UBXN7: variants seen among roughly 807,000 people sequenced by gnomAD.
UBXN7 encodes the protein UBX domain protein 7.
UBXN7 carries 9 observed loss-of-function variants against 58.0 expected under a neutral mutation model. The ratio of observed to expected loss-of-function variants is 0.16; its 90% confidence interval spans 0.09 to 0.27. The LOEUF is 0.27. Ranked by LOEUF, UBXN7 falls within the 10% of genes least tolerant of loss-of-function variation. The pLI, the probability that UBXN7 is intolerant of heterozygous loss-of-function variation, is 1.00. For synonymous variants in UBXN7, 208 were observed against 205.0 expected (o/e 1.01, Z -0.12); for missense variants, 328 against 599.6 (o/e 0.55, Z 4.73).
At chr3:196,401,606 T>TGGTTGAG (rs1411745684) in intron 3 of UBXN7, among the ~76,000 whole-genome samples, 67 of 147,948 alleles carry the variant, frequency 4.5e-4, no homozygotes, top group Non-Finnish European at 8.8e-4. Flanking sequence ...CACCAGGGCC[T>TGGTTGAG]GGTTGAGGGT....
At position 196,389,768 on chromosome 3, in the gene UBXN7, A is replaced by T. The variant is rs1577454408; in HGVS notation, c.468+2045T>A. Among the ~76,000 whole-genome samples the T allele has an allele frequency of 3.3e-5, 5 of 152,300 alleles. No homozygotes were observed. In the South Asian group the frequency reaches 1.0e-3, roughly 32 times the overall value. On this transcript the variant is annotated intron_variant, in intron 5 of 10. Coordinates refer to ENST00000296328, the MANE Select transcript of UBXN7 (RefSeq NM_015562.2). Reference sequence around the variant, plus strand: ...CTTTATAAATTGCCCAGTCTCAGGGATTCCTTTCTAGCAATGCAAGCAAAC... The same window carrying T: ...CTTTATAAATTGCCCAGTCTCAGGGTTTCCTTTCTAGCAATGCAAGCAAAC...
intron 1 of UBXN7, among the ~76,000 whole-genome samples, chr3:196,413,357 A>G (rs550580172): frequency 2.0e-4 from 30 of 152,282 alleles, no homozygotes; most frequent in Admixed American, 1.2e-3. Flanking sequence ...GGTTAAAATG[A>G]TAAATTTTGT....
chr3:196,419,178 G>A (rs1019149300), intron 1 of UBXN7, among the ~76,000 whole-genome samples: 9 of 152,112 alleles, frequency 5.9e-5, no homozygotes, highest in Non-Finnish European at 1.0e-4. Context: ...TAGGGAGGCC[G>A]AGGTGGAAGA....
intron 1 of UBXN7, 53 bp downstream of exon 1, chr3:196,432,274 C>T: frequency 6.2e-7 from 1 of 1,604,894 alleles, no homozygotes; most frequent in South Asian, 1.1e-5. Context: ...CGGGGCAGAC[C>T]CGCTGCCCGC....
chr3:196,404,941 C>A (rs541633002), intron 2 of UBXN7, among the ~76,000 whole-genome samples: 3 of 152,222 alleles, frequency 2.0e-5, no homozygotes, highest in Middle Eastern at 3.4e-3. Context: ...ATCGCTTGAG[C>A]TCAGGAGTTC....
At chr3:196,418,281 G>A (rs1251656280) in intron 1 of UBXN7, among the ~76,000 whole-genome samples, 1 of 132,676 alleles carries the variant, frequency 7.5e-6, no homozygotes, top group South Asian at 2.6e-4. Context: ...AGGGAAGGAG[G>A]GAAAGAGAGA....
At chr3:196,407,463 A>C (rs981614584) in intron 1 of UBXN7, 70 bp from the exon 2 acceptor site, 2 of 1,521,256 alleles carry the variant, frequency 1.3e-6, no homozygotes, top group Non-Finnish European at 1.8e-6. Flanking sequence ...TCTTCAGCTC[A>C]TATTAGAATT....
chr3:196,394,325 C>G (rs181472044), intron 3 of UBXN7, among the ~76,000 whole-genome samples: 3 of 140,634 alleles, frequency 2.1e-5, no homozygotes, highest in Non-Finnish European at 4.6e-5. Flanking sequence ...CCTGGCCAGG[C>G]ACTGTAGCTC....
chr3:196,424,383 AT>A (rs869183431), intron 1 of UBXN7, among the ~76,000 whole-genome samples: 26,531 of 104,160 alleles, frequency 0.25, 4,011 homozygotes, highest in East Asian at 0.76. Flanking sequence ...TCTTTTCCTA[AT>A]TTTTTTTTTT....
intron 10 of UBXN7, among the ~76,000 whole-genome samples, chr3:196,359,657 C>A (rs183413847): frequency 7.0e-4 from 107 of 152,294 alleles, no homozygotes; most frequent in African/African-American, 2.2e-3. Flanking sequence ...CTCACACCTG[C>A]ACTTTCAGAG....
At chr3:196,401,883 C>CTAT (rs1560235941) in intron 3 of UBXN7, among the ~76,000 whole-genome samples, 80 of 149,604 alleles carry the variant, frequency 5.3e-4, no homozygotes, top group Admixed American at 1.6e-3. Context: ...TTGGGTACTA[C>CTAT]GCTCATTACC....
At chr3:196,388,065 T>C (rs1049360367) in intron 5 of UBXN7, among the ~76,000 whole-genome samples, 1 of 152,034 alleles carries the variant, frequency 6.6e-6, no homozygotes, top group African/African-American at 2.4e-5. Context: ...AATGATAGAC[T>C]GCATTAAGAA....
rs1728169820 is a variant in UBXN7 at position 196,349,765 on chromosome 3, G to C, written c.*6920C>G. 1 of 152,150 alleles carries C rather than the reference G, an allele frequency of 6.6e-6. No individual in the cohort carries two copies. Among genetic ancestry groups the C allele is most frequent in the Non-Finnish European group, 1.5e-5 (1 of 68,026 alleles). 9.4% of individuals were successfully genotyped at this position (152,150 alleles called of 1,614,324 possible). On this transcript the variant is annotated 3_prime_UTR_variant, in exon 11 of 11. Coordinates refer to ENST00000296328, the MANE Select transcript of UBXN7 (RefSeq NM_015562.2). ...TTAAGAAAGGGGGAATTCAATTCCA[G>C]GTCAGAATTTATCTAATGATTTGAT...
In UBXN7 at chr3:196,354,650, G is replaced by A. The variant is rs1728297257; in HGVS notation, c.*2035C>T. Reference sequence around the variant, plus strand: ...CAGTATACAGCTCTATTTTTCAAACGGCAAGTATGTTATCCAAGTTCAGAG... The same window carrying A: ...CAGTATACAGCTCTATTTTTCAAACAGCAAGTATGTTATCCAAGTTCAGAG... On this transcript the variant is annotated 3_prime_UTR_variant, in exon 11 of 11. Transcript: ENST00000296328. 6.6e-6 allele frequency: 1 copy of A among 151,986 alleles called. No individual in the cohort carries two copies. Among genetic ancestry groups the A allele is most frequent in the African/African-American group, 2.4e-5 (1 of 41,382 alleles). 9.4% of individuals were successfully genotyped at this position (151,986 alleles called of 1,614,324 possible). A position where few individuals can be genotyped will look rare whatever the true frequency, so the allele number is the denominator to read the frequency against.
intron 5 of UBXN7, among the ~76,000 whole-genome samples, chr3:196,385,330 GT>G (rs1729343720): frequency 1.3e-5 from 2 of 152,210 alleles, no homozygotes; most frequent in South Asian, 4.1e-4. Context: ...CTGAAGTGCA[GT>G]GGCGTGATCT....
At chr3:196,366,390 C>A (rs112591451) in intron 8 of UBXN7, among the ~76,000 whole-genome samples, 366 of 151,846 alleles carry the variant, frequency 2.4e-3, no homozygotes, top group African/African-American at 8.5e-3. Context: ...ATGGTGCACA[C>A]CTGTAGTCCT....
At chr3:196,417,096 A>T (rs371379384) in intron 1 of UBXN7, among the ~76,000 whole-genome samples, 1 of 152,108 alleles carries the variant, frequency 6.6e-6, no homozygotes, top group Admixed American at 6.5e-5. Flanking sequence ...GGCGGATCAC[A>T]AGGTCAGGAG....
rs148291713 is a variant in UBXN7 at position 196,356,137 on chromosome 3, G to A, written c.*548C>T. On this transcript the variant is annotated 3_prime_UTR_variant, in exon 11 of 11. Coordinates refer to ENST00000296328, the MANE Select transcript of UBXN7 (RefSeq NM_015562.2). ...TCATTACAAGGGATGCTTTTTCCAC[G>A]TAAACAAAAGCCTGGATATTTTGTT... 1.3e-5 allele frequency: 2 copies of A among 152,704 alleles called. No homozygotes were observed. The highest frequency in any genetic ancestry group is 2.1e-4 in the South Asian group (1 of 4,826). The allele number at this position is 152,704 out of a possible 1,614,324, so 9.5% of individuals were successfully genotyped here. A position where few individuals can be genotyped will look rare whatever the true frequency, so the allele number is the denominator to read the frequency against.
At chr3:196,393,729 C>G (rs572624078) in intron 3 of UBXN7, 110 bp from the exon 4 acceptor site, 1 of 1,035,366 alleles carries the variant, frequency 9.7e-7, no homozygotes, top group Non-Finnish European at 1.4e-6. Context: ...AAACCCTTCA[C>G]GAACTGCATG....
Sources: gnomAD v4.1 joint callset for allele counts (sites outside exome capture counted in the v4.1 genomes callset) on GRCh38, gnomAD v4.1.1 for gene constraint, MANE v1.5 for transcripts, NCBI Gene and HGNC (gene_info 2026-07-23, HGNC 2026-07-21) for gene names.